Variants in DNAH5 observed in about 807,000 individuals in gnomAD.
The protein encoded by DNAH5 is axonemal beta dynein heavy chain 5.
Under a neutral mutation model 518.2 loss-of-function variants are expected in DNAH5, and 372 were observed. The ratio of observed to expected loss-of-function variants is 0.72; its 90% CI spans 0.66 to 0.78. DNAH5 has a LOEUF of 0.78. Ranked by LOEUF, DNAH5 falls within the 30% of genes least tolerant of loss-of-function variation. The pLI, the probability that DNAH5 is intolerant of heterozygous loss-of-function variation, is 0.00. For synonymous variants in DNAH5, 2,039 were observed against 2,025.9 expected (o/e 1.01, Z -0.17); for missense variants, 5,523 against 5,687.0 (o/e 0.97, Z 0.93).
intron 31 of DNAH5, among the ~76,000 whole-genome samples, chr5:13,847,729 A>C (rs1766212525): frequency 6.6e-6 from 1 of 152,008 alleles, no homozygotes; most frequent in South Asian, 2.1e-4. Flanking sequence ...ATCTCAAAAA[A>C]AAAAAAAGGA....
intron 1 of DNAH5, among the ~76,000 whole-genome samples, chr5:14,006,894 CTCCTGCTGCT>C (rs1385333342): frequency 9.2e-5 from 14 of 152,206 alleles, no homozygotes; most frequent in Non-Finnish European, 1.9e-4. Context: ...CTCCTCCTGC[CTCCTGCTGCT>C]GCCTCCACAA....
At position 13,780,879 on chromosome 5, in the gene DNAH5, C is replaced by A; in HGVS notation, c.8901G>T (p.Arg2967Ser). The A allele has an allele frequency of 1.2e-6, 2 of 1,613,788 alleles. No homozygotes were observed. The highest frequency in any genetic ancestry group is 2.7e-5 in the African/African-American group (2 of 75,024). Residue 2967 changes from arginine (R) to serine (S), a missense_variant, in exon 53 of 79, where the codon AGG (arginine) becomes AGT (serine). Physicochemically the swap from Arg to Ser is moderately radical, Grantham distance 110. Transcript: ENST00000265104. ...CGTAGCCAGCAATGAATGAAGCCAA[C>A]CTCGTCAGGCTCTGCTTTCCTGATC... is the stretch of plus-strand genomic sequence containing the variant. ...VGGSGKQSLT[R>S]LASFIAGYVS... is the part of the protein sequence containing the mutation.
intron 47 of DNAH5, among the ~76,000 whole-genome samples, chr5:13,796,806 C>T (rs928903001): frequency 6.6e-6 from 1 of 152,160 alleles, no homozygotes; most frequent in Non-Finnish European, 1.5e-5. Context: ...AACTATACTA[C>T]AAGGCTACAG....
chr5:13,837,549 G>A (rs534932557), intron 35 of DNAH5, among the ~76,000 whole-genome samples: 22 of 139,932 alleles, frequency 1.6e-4, no homozygotes, highest in East Asian at 1.1e-3. Context: ...AGATGAATGC[G>A]TCTATCTTCT....
chr5:13,817,494 A>G, intron 42 of DNAH5, 54 bp downstream of exon 42: 1 of 1,570,414 alleles, frequency 6.4e-7, no homozygotes, highest in South Asian at 1.1e-5. Context: ...TATAGCCTCC[A>G]AGGATTCTAT....
intron 3 of DNAH5, among the ~76,000 whole-genome samples, chr5:13,927,459 A>T (rs1778005347): frequency 6.6e-6 from 1 of 152,160 alleles, no homozygotes; most frequent in African/African-American, 2.4e-5. Flanking sequence ...CGGGGAGCCA[A>T]GATTGTGCCA....
intron 28 of DNAH5, among the ~76,000 whole-genome samples, chr5:13,863,917 TCAAA>T (rs1768841586): frequency 6.6e-6 from 1 of 152,188 alleles, no homozygotes; most frequent in African/African-American, 2.4e-5. Context: ...TTCTGGTTCC[TCAAA>T]CACACTTCAG....
At chr5:13,866,103 A>T (rs537922122) in intron 26 of DNAH5, 117 bp downstream of exon 26, 1 of 984,656 alleles carries the variant, frequency 1.0e-6, no homozygotes, top group African/African-American at 1.6e-5. Context: ...TTTTTAATGC[A>T]AGTACATACC....
intron 29 of DNAH5, among the ~76,000 whole-genome samples, chr5:13,861,976 AC>A (rs544010536): frequency 0.041 from 4,690 of 115,680 alleles, 346 homozygotes; most frequent in Non-Finnish European, 0.061. Context: ...AAAAAAAAAA[AC>A]AAGTTCAAAT....
At position 13,878,730 on chromosome 5, in the gene DNAH5, C is replaced by T. The variant is rs552303809; in HGVS notation, c.3263-1913G>A. Among the ~76,000 whole-genome samples, 60 of 152,294 alleles carry T rather than the reference C, an allele frequency of 3.9e-4. 1 individual carries two copies. The highest frequency in any genetic ancestry group is 1.9e-3 in the South Asian group (9 of 4,826). On this transcript the variant is annotated intron_variant, in intron 21 of 78. Coordinates refer to ENST00000265104, the MANE Select transcript of DNAH5 (RefSeq NM_001369.3). ...AGTAGCCAGAGACCATGGAAAACAA[C>T]GAGGTGGATGTACAATGGGCCAACT...
intron 76 of DNAH5, among the ~76,000 whole-genome samples, chr5:13,701,858 A>G (rs1281307628): frequency 6.6e-6 from 1 of 152,226 alleles, no homozygotes; most frequent in Non-Finnish European, 1.5e-5. Context: ...AAGGATTTTT[A>G]TTCACCTAAA....
intron 1 of DNAH5, among the ~76,000 whole-genome samples, chr5:13,990,736 G>A (rs1020298613): frequency 2.0e-5 from 3 of 151,882 alleles, no homozygotes; most frequent in Non-Finnish European, 4.4e-5. Flanking sequence ...GCATGGTGGC[G>A]CGTGGCTGTA....
rs982742912 is a variant in DNAH5, at chr5:13,884,899, T to C, written c.2983+90A>G. On this transcript the variant is annotated intron_variant, in intron 19 of 78. Transcript: ENST00000265104. ...TATTTAAATTTAACAGGAATGTACA[T>C]GCACGTGCACACGTGCACACACACA... 7 of 1,556,214 alleles carry C rather than the reference T, an allele frequency of 4.5e-6. No homozygotes were observed. The Admixed American group carries it at 5.2e-5, about 12-fold the overall frequency.
intron 7 of DNAH5, among the ~76,000 whole-genome samples, chr5:13,917,733 A>G (rs1776798021): frequency 6.6e-6 from 1 of 152,224 alleles, no homozygotes. Flanking sequence ...ATAATCTAAA[A>G]GTGAGAGAAG....
intron 65 of DNAH5, among the ~76,000 whole-genome samples, chr5:13,749,819 G>A (rs997424046): frequency 2.0e-5 from 3 of 152,118 alleles, no homozygotes; most frequent in African/African-American, 7.2e-5. Context: ...ACATGACAAT[G>A]CTAAATTTCC....
intron 62 of DNAH5, 108 bp downstream of exon 62, chr5:13,754,095 G>T: frequency 7.7e-7 from 1 of 1,300,700 alleles, no homozygotes; most frequent in Non-Finnish European, 1.1e-6. Context: ...TGTTACATAT[G>T]TATACATGCG....
chr5:13,897,410 A>G (rs1421922027), intron 15 of DNAH5: 2 of 152,318 alleles, frequency 1.3e-5, no homozygotes, highest in Admixed American at 6.5e-5. Context: ...CTGCTTTGAC[A>G]AAAGAGAAAC....
In DNAH5 at chr5:13,842,412, G is replaced by GAA. The variant is rs1417659205; in HGVS notation, c.5272-510_5272-509dup. On this transcript the variant is annotated intron_variant, in intron 32 of 78. Transcript: ENST00000265104. The stretch of plus-strand genomic sequence containing the variant: ...AGAAAGAAAGAAACAGAGCGAGAAA[G>GAA]AAAAGAAAAGAAAAGAAAGAAAGAA... 3.5e-4 allele frequency among the ~76,000 whole-genome samples: 26 copies of GAA among 73,960 alleles called. 1 individual carries two copies. Among genetic ancestry groups the GAA allele is most frequent in the Non-Finnish European group, 5.3e-4 (20 of 38,004 alleles). The allele number at this position is 73,960 out of a possible 152,430, so 48.5% of individuals were successfully genotyped here.
In DNAH5 at chr5:14,001,363, T is replaced by G. The variant is rs1478650128; in HGVS notation, c.12+10285A>C. 2.0e-5 allele frequency among the ~76,000 whole-genome samples: 3 copies of G among 152,072 alleles called. No homozygotes were observed. In the East Asian group the frequency reaches 5.8e-4, roughly 29 times the overall value. ...ATACTTAGTGATTTTTTGTTTTTTT[T>G]GTTGTTGTTGTTGAGACAGAGTCAG... On this transcript the variant is annotated intron_variant, in intron 1 of 78. Transcript: ENST00000681290.
Sources: allele counts gnomAD v4.1 joint callset (sites outside exome capture counted in the v4.1 genomes callset), GRCh38; gene constraint gnomAD v4.1.1; transcripts MANE v1.5; gene names NCBI Gene and HGNC (gene_info 2026-07-23, HGNC 2026-07-21).